The following ZFP14 variants were observed in gnomAD, a reference collection of about 807,000 sequenced individuals.
ZFP14 encodes zinc finger protein 14 homolog.
In ZFP14, 22 loss-of-function variants were observed where a neutral mutation model predicts 54.5. That is an observed-to-expected ratio of 0.40 (90% CI 0.29 to 0.58). The LOEUF is 0.58. Among genes scored for constraint, ZFP14 ranks in the 20% least tolerant of loss-of-function variants. ZFP14 has a pLI of 0.39. For missense variants in ZFP14, 470 were observed against 637.8 expected, an observed-to-expected ratio of 0.74 and a Z score of 2.83; for synonymous variants, 159 against 204.0, an observed-to-expected ratio of 0.78 and a Z score of 1.88.
intron 4 of ZFP14, among the ~76,000 whole-genome samples, chr19:36,346,146 A>T (rs2031409069): frequency 6.6e-6 from 1 of 151,968 alleles, no homozygotes; most frequent in Non-Finnish European, 1.5e-5. Flanking sequence ...TTAGCCAGGC[A>T]TGGTGGTGCT....
chr19:36,372,250 G>A (rs2031891357), intron 1 of ZFP14, among the ~76,000 whole-genome samples: 1 of 151,188 alleles, frequency 6.6e-6, no homozygotes, highest in Admixed American at 6.6e-5. Context: ...TAAAGATTAG[G>A]GCAGAAATAA....
rs920030160 is a variant in ZFP14 at position 36,335,746 on chromosome 19, T to C, written c.*4478A>G. 1.3e-5 allele frequency: 2 copies of C among 152,198 alleles called. No homozygotes were observed. The highest frequency in any genetic ancestry group is 4.8e-5 in the African/African-American group (2 of 41,454). The allele number at this position is 152,198 out of a possible 1,614,324, so 9.4% of individuals were successfully genotyped here. A position where few individuals can be genotyped will look rare whatever the true frequency, so the allele number is the denominator to read the frequency against. ...TATAGTTTTACCATATTATGTTTAT[T>C]ATTTTTGAGACAGGTTCTCACTCTG... On this transcript the variant is annotated 3_prime_UTR_variant, in exon 5 of 5. Transcript: ENST00000270001.
rs1189741232 is a variant in ZFP14, at chr19:36,349,887, CACACCTG to C, written c.236-8304_236-8298del. Among the ~76,000 whole-genome samples the C allele has an allele frequency of 1.6e-3, 160 of 100,482 alleles. 4 individuals are homozygous for C. The highest frequency in any genetic ancestry group is 5.2e-3 in the Middle Eastern group (1 of 194). The allele number at this position is 100,482 out of a possible 152,430, so 65.9% of individuals were successfully genotyped here. On this transcript the variant is annotated intron_variant, in intron 4 of 4. Coordinates refer to ENST00000270001, the MANE Select transcript of ZFP14 (RefSeq NM_020917.3). Reference sequence around the variant, plus strand: ...AATAGATAGGCTGGGCGTGGTGGCTCACACCTGTAATCCCAACACTTTAGGAGGCCAA... The same window carrying C: ...AATAGATAGGCTGGGCGTGGTGGCTCTAATCCCAACACTTTAGGAGGCCAA...
rs144202676 is a variant in ZFP14, at chr19:36,346,273, G to A, written c.236-4683C>T. On this transcript the variant is annotated intron_variant, in intron 4 of 4. Transcript: ENST00000270001. ...TGCCTGGGTGACAGAGCGACAACCT[G>A]TCTCAAAACAAACAAAAAACCCAGG... Among the ~76,000 whole-genome samples the A allele has an allele frequency of 1.5e-3, 232 of 151,940 alleles. 1 individual carries two copies. Among genetic ancestry groups the A allele is most frequent in the African/African-American group, 5.4e-3 (224 of 41,446 alleles).
intron 1 of ZFP14, among the ~76,000 whole-genome samples, chr19:36,370,590 G>T (rs972884796): frequency 6.6e-6 from 1 of 152,244 alleles, no homozygotes; most frequent in African/African-American, 2.4e-5. Context: ...CAGTCACAGT[G>T]GTCTCAGGCT....
intron 4 of ZFP14, among the ~76,000 whole-genome samples, chr19:36,359,720 T>C (rs889923389): frequency 6.6e-6 from 1 of 152,116 alleles, no homozygotes. Flanking sequence ...AGTGGCGTGA[T>C]CTTGGCTCAC....
chr19:36,342,858 A>T (rs1354243024), intron 4 of ZFP14, among the ~76,000 whole-genome samples: 2 of 152,228 alleles, frequency 1.3e-5, no homozygotes, highest in Non-Finnish European at 2.9e-5. Context: ...ACTGAACATT[A>T]TAAATATACC....
rs1239034665 is a variant in ZFP14, at chr19:36,341,906, C to T, written c.236-316G>A. ...TCGCTCTGTTGCCCAGGCTGGAGTG[C>T]AGTAGTGCGATCCCGGCTCACTGAA... On this transcript the variant is annotated intron_variant, in intron 4 of 4. Coordinates refer to ENST00000270001, the MANE Select transcript of ZFP14 (RefSeq NM_020917.3). The surrounding 1 kb of genome is among the most constrained non-coding windows in gnomAD (Gnocchi z 4.2). 6.6e-6 allele frequency among the ~76,000 whole-genome samples: 1 copy of T among 151,758 alleles called. No individual in the cohort carries two copies. The highest frequency in any genetic ancestry group is 2.4e-5 in the African/African-American group (1 of 41,278).
At chr19:36,362,795 A>T in intron 2 of ZFP14, 1 of 294,996 alleles carries the variant, frequency 3.4e-6, no homozygotes, top group Non-Finnish European at 6.7e-6. Context: ...ATGATCATTT[A>T]AAAACATTGA....
chr19:36,356,527 C>T (rs2031617193), intron 4 of ZFP14, among the ~76,000 whole-genome samples: 1 of 152,028 alleles, frequency 6.6e-6, no homozygotes. Context: ...TTGCATAGCT[C>T]TATGCAATTT....
chr19:36,349,671 CA>C (rs11308808), intron 4 of ZFP14, among the ~76,000 whole-genome samples: 48,132 of 133,736 alleles, frequency 0.36, 8,506 homozygotes, highest in South Asian at 0.45. Context: ...TGTCTCAAAA[CA>C]AAAAAAAAAT....
At chr19:36,353,516 C>A (rs1568468534) in intron 4 of ZFP14, among the ~76,000 whole-genome samples, 2 of 140,138 alleles carry the variant, frequency 1.4e-5, no homozygotes, top group African/African-American at 5.3e-5. Flanking sequence ...CTGACCAACA[C>A]ACTGAAACCC....
chr19:36,362,340 G>A lies in ZFP14; in HGVS notation c.10-102C>T. 4 of 1,277,454 alleles carry A rather than the reference G, an allele frequency of 3.1e-6. No individual in the cohort carries two copies. In the South Asian group the frequency reaches 4.8e-5, roughly 15 times the overall value. The allele number at this position is 1,277,454 out of a possible 1,614,324, so 79.1% of individuals were successfully genotyped here. A position where few individuals can be genotyped will look rare whatever the true frequency, so the allele number is the denominator to read the frequency against. The stretch of plus-strand genomic sequence containing the variant: ...TTGCATTGCAGAGAGGGGTCAGATA[G>A]CATGCAAACAGCATTGGGCTGAAAA... On this transcript the variant is annotated intron_variant, in intron 2 of 4. Transcript: ENST00000270001.
chr19:36,352,009 C>T (rs1258683682), intron 4 of ZFP14, among the ~76,000 whole-genome samples: 1 of 142,056 alleles, frequency 7.0e-6, no homozygotes, highest in African/African-American at 2.6e-5. Context: ...TGGTGAAACC[C>T]CGTCTCTACT....
At chr19:36,374,091 G>C (rs1341393442) in intron 1 of ZFP14, among the ~76,000 whole-genome samples, 1 of 152,188 alleles carries the variant, frequency 6.6e-6, no homozygotes, top group Non-Finnish European at 1.5e-5. Flanking sequence ...ACCGACACTA[G>C]GTCGGTCCAC....
intron 2 of ZFP14, among the ~76,000 whole-genome samples, chr19:36,364,715 A>G (rs1177244011): frequency 6.6e-6 from 1 of 152,200 alleles, no homozygotes; most frequent in Non-Finnish European, 1.5e-5. Context: ...AGGTCAGTCA[A>G]CACTAAATCC....
Position 36,341,292 on chromosome 19 carries a change from C to T in ZFP14, c.534G>A (p.Arg178=), listed in dbSNP as rs200922195. The T allele has an allele frequency of 1.5e-5, 25 of 1,614,200 alleles. No homozygotes were observed. The Admixed American group carries it at 4.2e-4, about 27-fold the overall frequency. Residue 178 remains arginine (R), a synonymous_variant, in exon 5 of 5, where the codon AGG becomes AGA. Coordinates refer to ENST00000270001, the MANE Select transcript of ZFP14 (RefSeq NM_020917.3). The surrounding 1 kb of genome is among the most constrained non-coding windows in gnomAD (Gnocchi z 4.2). ...GTGTTGAGCGACGAATAAAGGTCTT[C>T]CTACACTCCTTACACTCATACACCT... ...GEKVYECKEC[R]KTFIRRSTLS... is the part of the protein sequence containing the mutation.
intron 2 of ZFP14, among the ~76,000 whole-genome samples, chr19:36,364,937 C>G (rs1345694717): frequency 6.8e-6 from 1 of 147,046 alleles, no homozygotes. Context: ...ATTTTATTTA[C>G]TTTCTTTCCT....
intron 4 of ZFP14, among the ~76,000 whole-genome samples, chr19:36,348,826 A>G (rs1311854325): frequency 6.6e-6 from 1 of 152,122 alleles, no homozygotes. Flanking sequence ...AATAACACCA[A>G]TGGGTTCCTC....
Sources: gnomAD v4.1 joint callset for allele counts (sites outside exome capture counted in the v4.1 genomes callset) on GRCh38, gnomAD v4.1.1 for gene constraint, Gnocchi (gnomAD v3.1) non-coding constraint, MANE v1.5 for transcripts, NCBI Gene and HGNC (gene_info 2026-07-23, HGNC 2026-07-21) for gene names.